The following LRP1B variants were observed in gnomAD, a reference collection of about 807,000 sequenced individuals.
The protein encoded by LRP1B is LDL receptor related protein 1B.
In LRP1B, 217 loss-of-function variants were observed where a neutral mutation model predicts 556.6. The ratio of observed to expected loss-of-function variants is 0.39; its 90% CI spans 0.35 to 0.44. LRP1B has a LOEUF of 0.44. Ranked by LOEUF, LRP1B falls within the 20% of genes least tolerant of loss-of-function variation. The probability of loss-of-function intolerance (pLI) is 1.00; values close to 1 mark genes in which losing one functional copy is unlikely to be tolerated. For synonymous variants in LRP1B, 2,047 were observed against 1,865.8 expected (o/e 1.10, Z -2.50); for missense variants, 5,053 against 5,620.8 (o/e 0.90, Z 3.23).
chr2:141,072,094 A>C (rs564129716), intron 7 of LRP1B, among the ~76,000 whole-genome samples: 1 of 152,192 alleles, frequency 6.6e-6, no homozygotes, highest in Admixed American at 6.6e-5. Context: ...GATACAAACC[A>C]ACCTCCCCTC....
intron 82 of LRP1B, among the ~76,000 whole-genome samples, chr2:140,317,180 G>GA (rs1684562246): frequency 6.6e-6 from 1 of 152,098 alleles, no homozygotes; most frequent in East Asian, 1.9e-4. Flanking sequence ...GAAGCAGTAA[G>GA]AGAAGATCCA....
At chr2:141,815,650 A>C (rs1424783726) in intron 1 of LRP1B, among the ~76,000 whole-genome samples, 1 of 152,128 alleles carries the variant, frequency 6.6e-6, no homozygotes, top group Non-Finnish European at 1.5e-5. Flanking sequence ...AAAAAAGGGC[A>C]CTCTGATAGG....
intron 2 of LRP1B, among the ~76,000 whole-genome samples, chr2:141,646,733 A>G (rs191317047): frequency 1.0e-3 from 154 of 152,290 alleles, no homozygotes; most frequent in Non-Finnish European, 1.7e-3. Context: ...CTTCAGCTCT[A>G]AAATTCTGGG....
chr2:141,575,386 G>C (rs1371668298), intron 2 of LRP1B, among the ~76,000 whole-genome samples: 1 of 152,196 alleles, frequency 6.6e-6, no homozygotes, highest in Non-Finnish European at 1.5e-5. Flanking sequence ...AGTGAATGAT[G>C]CTGGGAAAAC....
At chr2:142,060,239 C>G (rs926025009) in intron 1 of LRP1B, among the ~76,000 whole-genome samples, 6 of 151,944 alleles carry the variant, frequency 3.9e-5, no homozygotes, top group African/African-American at 1.4e-4. Flanking sequence ...ATAGGAGATT[C>G]CATTCCATAT....
intron 3 of LRP1B, among the ~76,000 whole-genome samples, chr2:141,324,790 C>T (rs1173554054): frequency 2.6e-5 from 4 of 151,870 alleles, no homozygotes; most frequent in Non-Finnish European, 4.4e-5. Flanking sequence ...AAATGTGATG[C>T]CAACAATCAA....
At position 140,314,950 on chromosome 2, in the gene LRP1B, C is replaced by A. The variant is rs17386226; in HGVS notation, c.12790G>T (p.Val4264Leu). ...SNYCQNGGTC[V>L]PSVLGRPTCS... ...AAATATTTACCTAGAACTGATGGTA[C>A]GCAAGTTCCTCCATTCTGGCAGTAG... is the stretch of plus-strand genomic sequence containing the variant. The change falls in exon 83 of 91, where the codon GTA (valine) becomes TTA (leucine). Residue 4264 changes from valine (V) to leucine (L), a missense_variant. By Grantham distance (32) the Val-to-Leu change is conservative. This residue lies in a region of LRP1B where 551 missense variants were observed against 592.0 expected (regional missense o/e 0.93). Transcript: ENST00000389484. The A allele has an allele frequency of 1.2e-6, 2 of 1,603,822 alleles. No individual in the cohort carries two copies. The highest frequency in any genetic ancestry group is 1.3e-5 in the African/African-American group (1 of 74,522).
At chr2:141,066,795 AT>A (rs1287682691) in intron 7 of LRP1B, among the ~76,000 whole-genome samples, 1 of 151,884 alleles carries the variant, frequency 6.6e-6, no homozygotes, top group Non-Finnish European at 1.5e-5. Context: ...ACACGACAAG[AT>A]TTTTTTGAAG....
intron 3 of LRP1B, among the ~76,000 whole-genome samples, chr2:141,360,767 A>C (rs1215237254): frequency 6.6e-6 from 1 of 152,226 alleles, no homozygotes; most frequent in East Asian, 1.9e-4. Flanking sequence ...TGCACATTTA[A>C]ATATCACTTT....
At chr2:140,267,671 C>T (rs755908117) in intron 86 of LRP1B, among the ~76,000 whole-genome samples, 1 of 151,764 alleles carries the variant, frequency 6.6e-6, no homozygotes, top group African/African-American at 2.4e-5. Flanking sequence ...CTTGGTTGAA[C>T]CCACGAATGT....
intron 28 of LRP1B, among the ~76,000 whole-genome samples, chr2:140,851,224 A>C (rs756105699): frequency 5.3e-5 from 8 of 152,108 alleles, no homozygotes; most frequent in Non-Finnish European, 1.2e-4. Context: ...TCCCCCTTTC[A>C]AGTTGATAAT....
chr2:141,907,051 C>T (rs1311439363), intron 1 of LRP1B, among the ~76,000 whole-genome samples: 2 of 151,926 alleles, frequency 1.3e-5, no homozygotes, highest in East Asian at 3.9e-4. Flanking sequence ...AGGGGTGGTG[C>T]TGTAGAGGAA....
intron 3 of LRP1B, among the ~76,000 whole-genome samples, chr2:141,284,704 G>A (rs1056028423): frequency 1.3e-5 from 2 of 152,138 alleles, no homozygotes; most frequent in Admixed American, 6.5e-5. Context: ...CAGTTATTAT[G>A]TCAACATTTG....
At chr2:140,877,448 T>C (rs926897781) in intron 25 of LRP1B, among the ~76,000 whole-genome samples, 1 of 152,178 alleles carries the variant, frequency 6.6e-6, no homozygotes, top group Non-Finnish European at 1.5e-5. Flanking sequence ...GAGACTCATG[T>C]TCTTCTAAAA....
chr2:141,957,745 A>G (rs1158129629), intron 1 of LRP1B, among the ~76,000 whole-genome samples: 1 of 152,026 alleles, frequency 6.6e-6, no homozygotes, highest in Admixed American at 6.6e-5. Flanking sequence ...GGAGGAGGAT[A>G]TACTGGCGAG....
intron 23 of LRP1B, among the ~76,000 whole-genome samples, chr2:140,890,440 C>T (rs1421920251): frequency 6.6e-6 from 1 of 152,124 alleles, no homozygotes; most frequent in Non-Finnish European, 1.5e-5. Flanking sequence ...TTTCTTTGAA[C>T]AATGACCTTT....
At chr2:141,770,521 T>A (rs1694868491) in intron 2 of LRP1B, among the ~76,000 whole-genome samples, 1 of 152,244 alleles carries the variant, frequency 6.6e-6, no homozygotes, top group Non-Finnish European at 1.5e-5. Context: ...AACAGCGTCA[T>A]AACTGACTGC....
At chr2:141,999,555 G>T (rs1179651900) in intron 1 of LRP1B, among the ~76,000 whole-genome samples, 1 of 151,978 alleles carries the variant, frequency 6.6e-6, no homozygotes, top group East Asian at 1.9e-4. Flanking sequence ...TTTAAAAGTG[G>T]CTTTAAGGAT....
At chr2:141,160,848 A>ATC (rs145021785) in intron 7 of LRP1B, among the ~76,000 whole-genome samples, 1 of 16,766 alleles carries the variant, frequency 6.0e-5, no homozygotes, top group Admixed American at 5.2e-4. Context: ...AAATTAATCT[A>ATC]TATATATATA....
Sources: gnomAD v4.1 joint callset for allele counts (sites outside exome capture counted in the v4.1 genomes callset) on GRCh38, gnomAD v4.1.1 for gene constraint, gnomAD v4.1.1 regional missense constraint, MANE v1.5 for transcripts, NCBI Gene and HGNC (gene_info 2026-07-23, HGNC 2026-07-21) for gene names.